Variants in LGR4 observed in about 807,000 individuals in gnomAD.
LGR4 encodes the protein leucine rich repeat containing G protein-coupled receptor 4, also known as leucine-rich repeat-containing G protein-coupled receptor 4.
In LGR4, 44 loss-of-function variants were observed where a neutral mutation model predicts 84.8. The observed-to-expected ratio is 0.52, with a 90% CI of 0.41 to 0.67. The LOEUF is 0.67. Ranked by LOEUF, LGR4 falls within the 30% of genes least tolerant of loss-of-function variation. LGR4 has a pLI of 0.00. For missense variants in LGR4, 1,032 were observed against 1,131.4 expected, an observed-to-expected ratio of 0.91 and a Z score of 1.26; for synonymous variants, 429 against 434.3, an observed-to-expected ratio of 0.99 and a Z score of 0.15.
chr11:27,449,909 T>C (rs189737973), intron 1 of LGR4, among the ~76,000 whole-genome samples: 1 of 152,306 alleles, frequency 6.6e-6, no homozygotes, highest in East Asian at 1.9e-4. Context: ...GAGTGTTCCT[T>C]TGACTTATTT....
At chr11:27,390,967 A>C (rs1397059612) in intron 4 of LGR4, 127 bp downstream of exon 4, 1 of 592,578 alleles carries the variant, frequency 1.7e-6, no homozygotes, top group Non-Finnish European at 2.9e-6. Flanking sequence ...GATAACATTG[A>C]CTAGCTATCT....
chr11:27,428,917 G>T (rs1864070017), intron 1 of LGR4, among the ~76,000 whole-genome samples: 1 of 152,104 alleles, frequency 6.6e-6, no homozygotes, highest in Non-Finnish European at 1.5e-5. Flanking sequence ...TGGTTTTTTT[G>T]TCCATGTAGC....
intron 1 of LGR4, among the ~76,000 whole-genome samples, chr11:27,413,083 T>G (rs191696255): frequency 3.9e-5 from 6 of 152,166 alleles, no homozygotes; most frequent in Non-Finnish European, 7.4e-5. Context: ...ACTCAGATCC[T>G]GTATTTTCCC....
At chr11:27,386,065 C>T (rs1237463385) in intron 4 of LGR4, among the ~76,000 whole-genome samples, 1 of 152,108 alleles carries the variant, frequency 6.6e-6, no homozygotes, top group Non-Finnish European at 1.5e-5. Context: ...CTTCTCTTAG[C>T]AGTTAAGTGC....
intron 1 of LGR4, among the ~76,000 whole-genome samples, chr11:27,429,262 A>G (rs1459476605): frequency 2.0e-5 from 3 of 152,180 alleles, no homozygotes; most frequent in Non-Finnish European, 2.9e-5. Context: ...AGGTGGGCAG[A>G]TCACTTGAGG....
At chr11:27,406,416 A>T (rs1269560491) in intron 2 of LGR4, among the ~76,000 whole-genome samples, 1 of 152,172 alleles carries the variant, frequency 6.6e-6, no homozygotes, top group Non-Finnish European at 1.5e-5. Flanking sequence ...ATAATGAGCT[A>T]TGTAAACTTG....
At chr11:27,372,450 G>T in intron 15 of LGR4, 52 bp from the exon 16 acceptor site, 1 of 1,026,898 alleles carries the variant, frequency 9.7e-7, no homozygotes, top group Non-Finnish European at 1.5e-6. Flanking sequence ...CGCAGTTATG[G>T]TTTTGTTTTG....
At chr11:27,372,199 A>G in intron 16 of LGR4, 84 bp downstream of exon 16, 1 of 854,430 alleles carries the variant, frequency 1.2e-6, no homozygotes, top group Non-Finnish European at 2.0e-6. Flanking sequence ...TTTCCTATTG[A>G]TCATTCACAA....
chr11:27,443,779 C>T (rs1864340995), intron 1 of LGR4, among the ~76,000 whole-genome samples: 2 of 152,226 alleles, frequency 1.3e-5, no homozygotes, highest in East Asian at 1.9e-4. Context: ...TCACAACATC[C>T]TTGTGGTAGT....
chr11:27,424,321 C>T (rs1231720168), intron 1 of LGR4, among the ~76,000 whole-genome samples: 1 of 152,110 alleles, frequency 6.6e-6, no homozygotes, highest in Non-Finnish European at 1.5e-5. Flanking sequence ...AGGAAGATTG[C>T]TTGAGCCCAG....
chr11:27,373,421 C>G, intron 15 of LGR4, 130 bp downstream of exon 15: 1 of 822,008 alleles, frequency 1.2e-6, no homozygotes, highest in Non-Finnish European at 1.8e-6. Flanking sequence ...TTTGCAAAGA[C>G]TGACGTAGAA....
At chr11:27,431,268 C>T (rs1358668612) in intron 1 of LGR4, among the ~76,000 whole-genome samples, 3 of 152,216 alleles carry the variant, frequency 2.0e-5, no homozygotes, top group Non-Finnish European at 4.4e-5. Flanking sequence ...CTACTCCAGA[C>T]CAACTAATCA....
chr11:27,390,316 C>T (rs762378877), intron 4 of LGR4, among the ~76,000 whole-genome samples: 4 of 152,062 alleles, frequency 2.6e-5, no homozygotes, highest in South Asian at 2.1e-4. Context: ...TATGTGATGT[C>T]GCTAAAACAC....
intron 2 of LGR4, among the ~76,000 whole-genome samples, chr11:27,398,594 C>T (rs1272818388): frequency 6.6e-6 from 1 of 152,080 alleles, no homozygotes; most frequent in Admixed American, 6.6e-5. Context: ...TGCGAGGAGA[C>T]GTCGGGCAGA....
rs565489192 is a variant in LGR4 at position 27,389,802 on chromosome 11, AGTCAGC to A, written c.401+1286_401+1291del. Among the ~76,000 whole-genome samples the A allele has an allele frequency of 2.9e-3, 446 of 152,272 alleles. 1 individual carries two copies. The highest frequency in any genetic ancestry group is 4.5e-3 in the Non-Finnish European group (306 of 68,010). On this transcript the variant is annotated intron_variant, in intron 4 of 17. Transcript: ENST00000379214. ...CCACCCGAGGTGAGAGAGTGTGTGA[AGTCAGC>A]CGAATAACATTTCTATAAGGGAACT...
At chr11:27,428,683 G>T (rs1027202675) in intron 1 of LGR4, among the ~76,000 whole-genome samples, 1 of 152,198 alleles carries the variant, frequency 6.6e-6, no homozygotes, top group Non-Finnish European at 1.5e-5. Context: ...AGAACCAGTA[G>T]AACTTTGTTA....
At position 27,472,383 on chromosome 11, in the gene LGR4, G is replaced by T; in HGVS notation, c.-81C>A. 1 of 1,111,332 alleles carries T rather than the reference G, an allele frequency of 9.0e-7. No individual in the cohort carries two copies. The highest frequency in any genetic ancestry group is 1.1e-6 in the Non-Finnish European group (1 of 887,010). 68.8% of individuals were successfully genotyped at this position (1,111,332 alleles called of 1,614,324 possible). A position where few individuals can be genotyped will look rare whatever the true frequency, so the allele number is the denominator to read the frequency against. On this transcript the variant is annotated 5_prime_UTR_variant, in exon 1 of 18. Transcript: ENST00000379214. ...CTCCGATGTCCCCCGCCGCCCCCGGGCAGCCGGCCTGCGGGCTGGAGCGGG... is the reference window on the plus strand; with the variant it reads ...CTCCGATGTCCCCCGCCGCCCCCGGTCAGCCGGCCTGCGGGCTGGAGCGGG...
chr11:27,425,738 G>A (rs1864012649), intron 1 of LGR4, among the ~76,000 whole-genome samples: 1 of 152,170 alleles, frequency 6.6e-6, no homozygotes, highest in African/African-American at 2.4e-5. Flanking sequence ...AGTTGGGTGG[G>A]TTGTGATGGG....
intron 1 of LGR4, among the ~76,000 whole-genome samples, chr11:27,447,119 G>A (rs2133439869): frequency 6.6e-6 from 1 of 151,990 alleles, no homozygotes; most frequent in East Asian, 1.9e-4. Context: ...CACCAACATG[G>A]CACATGTATA....
Sources: allele counts gnomAD v4.1 joint callset (sites outside exome capture counted in the v4.1 genomes callset), GRCh38; gene constraint gnomAD v4.1.1; transcripts MANE v1.5; gene names NCBI Gene and HGNC (gene_info 2026-07-23, HGNC 2026-07-21).